TPR: variants seen among roughly 807,000 people sequenced by gnomAD.
The protein encoded by TPR is translocated promoter region, nuclear basket protein, also known as nucleoprotein TPR.
Under a neutral mutation model 316.1 loss-of-function variants are expected in TPR, and 51 were observed. That is an observed-to-expected ratio of 0.16 (90% confidence interval 0.13 to 0.20). TPR has a LOEUF of 0.20. Among genes scored for constraint, TPR ranks in the 10% least tolerant of loss-of-function variants. The pLI is 1.00. For synonymous variants in TPR, 981 were observed against 914.7 expected (o/e 1.07, Z -1.31); for missense variants, 2,272 against 2,754.8 (o/e 0.82, Z 3.92).
At chr1:186,329,187 T>C (rs1199073398) in intron 39 of TPR, among the ~76,000 whole-genome samples, 2 of 152,158 alleles carry the variant, frequency 1.3e-5, no homozygotes, top group Non-Finnish European at 2.9e-5. Context: ...TTTGCTAATT[T>C]CAAGAAAAAG....
chr1:186,314,839 A>T (rs1326897847), intron 49 of TPR, 115 bp from the exon 50 acceptor site: 3 of 567,462 alleles, frequency 5.3e-6, no homozygotes, highest in Non-Finnish European at 8.7e-6. Context: ...TGTTCATTTG[A>T]TTTCAATTCT....
At chr1:186,363,068 C>G in intron 5 of TPR, 67 bp from the exon 6 acceptor site, 1 of 1,501,006 alleles carries the variant, frequency 6.7e-7, no homozygotes, top group Non-Finnish European at 8.9e-7. Context: ...AAGATTTTGT[C>G]TGTAGCTAAG....
intron 21 of TPR, among the ~76,000 whole-genome samples, chr1:186,348,720 G>A (rs749537841): frequency 7.2e-5 from 11 of 152,172 alleles, no homozygotes; most frequent in African/African-American, 2.2e-4. Context: ...TCAGCCAGCC[G>A]ACACTCATAG....
chr1:186,320,597 T>C (rs376376472), intron 45 of TPR, among the ~76,000 whole-genome samples, 179 bp from the exon 46 acceptor site: 13 of 152,372 alleles, frequency 8.5e-5, no homozygotes, highest in African/African-American at 3.1e-4. Context: ...TTTTATACTA[T>C]CAGCTGTCAA....
chr1:186,336,497 A>G lies in TPR; in HGVS notation c.4704T>C (p.Ala1568=). The change falls in exon 33 of 51, where the codon GCT becomes GCC. Residue 1568 remains alanine (A), a splice_region_variant and synonymous_variant. Transcript: ENST00000367478. ...TTCAAACTTTAAACAGATATTTACC[A>G]GCTAAGTGTGCAATTTTTGACTTTG... ...VAAKSKIAHL[A]GVKDQLTKEN... The G allele has an allele frequency of 6.2e-7, 1 of 1,613,522 alleles. No individual in the cohort carries two copies. Among genetic ancestry groups the G allele is most frequent in the Non-Finnish European group, 8.5e-7 (1 of 1,179,842 alleles).
chr1:186,327,406 G>T, intron 40 of TPR, 54 bp downstream of exon 40: 2 of 1,567,376 alleles, frequency 1.3e-6, no homozygotes, highest in South Asian at 1.1e-5. Flanking sequence ...CCAAGGATTT[G>T]AGCACTTTCA....
chr1:186,368,437 C>A (rs1309497327), intron 3 of TPR, among the ~76,000 whole-genome samples: 1 of 152,134 alleles, frequency 6.6e-6, no homozygotes. Flanking sequence ...CACAGCGAAA[C>A]CCAGTCTCTA....
At chr1:186,355,605 C>T in intron 16 of TPR, 30 bp downstream of exon 16, 3 of 1,613,736 alleles carry the variant, frequency 1.9e-6, no homozygotes, top group Non-Finnish European at 1.7e-6. Flanking sequence ...TCTCTAAAAA[C>T]CTAACCCAGG....
intron 48 of TPR, among the ~76,000 whole-genome samples, chr1:186,318,093 C>T (rs189459888): frequency 6.6e-6 from 1 of 152,242 alleles, no homozygotes; most frequent in Admixed American, 6.5e-5. Context: ...CCATTCAAGA[C>T]ACAAATGAGG....
At chr1:186,346,015 T>G in intron 23 of TPR, 120 bp downstream of exon 23, 1 of 1,141,568 alleles carries the variant, frequency 8.8e-7, no homozygotes. Context: ...AAAACTAAAA[T>G]TTTGCCTATG....
Position 186,361,628 on chromosome 1 carries a change from C to T in TPR, c.952G>A (p.Gly318Ser). The T allele has an allele frequency of 6.2e-7, 1 of 1,612,852 alleles. No homozygotes were observed. The highest frequency in any genetic ancestry group is 2.2e-5 in the East Asian group (1 of 44,848). Residue 318 changes from glycine to serine, a missense_variant, in exon 9 of 51, where the codon GGT (glycine) becomes AGT (serine). By Grantham distance (56) the Gly-to-Ser change is moderately conservative (BLOSUM62 0). Transcript: ENST00000367478. ...EELHKLLKEA[G>S]EANKAIQDHL... Reference sequence around the variant, plus strand: ...CATAACTGAAAACACTTACCTTCACCAGCTTCTTTCAAAAGTTTGTGTAGT... The same window carrying T: ...CATAACTGAAAACACTTACCTTCACTAGCTTCTTTCAAAAGTTTGTGTAGT...
chr1:186,326,077 T>G, intron 41 of TPR, 27 bp downstream of exon 41: 1 of 1,613,286 alleles, frequency 6.2e-7, no homozygotes, highest in Non-Finnish European at 8.5e-7. Flanking sequence ...GAAAGAACTA[T>G]GAATGGTTAA....
At position 186,313,127 on chromosome 1, in the gene TPR, CTAGAG is replaced by C. The variant is rs1327679232; in HGVS notation, c.*839_*843del. 7.6e-6 allele frequency: 4 copies of C among 529,568 alleles called. No homozygotes were observed. The Admixed American group carries it at 1.3e-4, about 17-fold the overall frequency. 32.8% of individuals were successfully genotyped at this position (529,568 alleles called of 1,614,324 possible). A position where few individuals can be genotyped will look rare whatever the true frequency, so the allele number is the denominator to read the frequency against. The stretch of plus-strand genomic sequence containing the variant: ...GAGATTACGATAAAACATCCAGTTA[CTAGAG>C]TAAACTTGCTACTGACAATAGTATT... On this transcript the variant is annotated 3_prime_UTR_variant, in exon 51 of 51. Transcript: ENST00000367478.
intron 1 of TPR, among the ~76,000 whole-genome samples, chr1:186,374,440 G>A (rs1360033718): frequency 6.6e-6 from 1 of 152,150 alleles, no homozygotes; most frequent in Non-Finnish European, 1.5e-5. Context: ...CTGGAGCCAC[G>A]GGACGACGCA....
Position 186,358,535 on chromosome 1 carries a change from A to T in TPR, c.1497+8T>A. The T allele has an allele frequency of 3.1e-6, 5 of 1,604,418 alleles. No individual in the cohort carries two copies. Among genetic ancestry groups the T allele is most frequent in the Non-Finnish European group, 4.2e-6 (5 of 1,176,482 alleles). Reference sequence around the variant, plus strand: ...TAAAAGTAGGAAAACAAACAAAAAAATTCTAACCTGTTGTGAAAGATCTTT... The same window carrying T: ...TAAAAGTAGGAAAACAAACAAAAAATTTCTAACCTGTTGTGAAAGATCTTT... On this transcript the variant is annotated splice_region_variant and intron_variant, in intron 13 of 50. Transcript: ENST00000367478.
intron 2 of TPR, 33 bp downstream of exon 2, chr1:186,373,326 G>T (rs368152111): frequency 6.6e-7 from 1 of 1,515,370 alleles, no homozygotes; most frequent in Non-Finnish European, 9.1e-7. Context: ...TCGATACTCC[G>T]AGAATACTTA....
chr1:186,357,962 G>A (rs2101981568), intron 13 of TPR, among the ~76,000 whole-genome samples: 1 of 152,156 alleles, frequency 6.6e-6, no homozygotes, highest in African/African-American at 2.4e-5. Flanking sequence ...TGATAGGGCA[G>A]AGCATGAAAA....
intron 18 of TPR, 96 bp downstream of exon 18, chr1:186,353,592 A>C: frequency 7.2e-7 from 1 of 1,389,230 alleles, no homozygotes; most frequent in South Asian, 1.4e-5. Context: ...CTTCTTAAAT[A>C]CCTAAGTCCT....
intron 50 of TPR, 141 bp from the exon 51 acceptor site, chr1:186,314,167 T>C (rs904558395): frequency 1.5e-6 from 1 of 681,948 alleles, no homozygotes; most frequent in South Asian, 2.1e-5. Context: ...TCAATGGAAA[T>C]TATTACAAGC....
Sources: allele counts gnomAD v4.1 joint callset (sites outside exome capture counted in the v4.1 genomes callset), GRCh38; gene constraint gnomAD v4.1.1; transcripts MANE v1.5; gene names NCBI Gene and HGNC (gene_info 2026-07-23, HGNC 2026-07-21).